GPR155: variants seen among roughly 807,000 people sequenced by gnomAD.
GPR155 encodes the protein G protein-coupled receptor 155.
In GPR155, 65 loss-of-function variants were observed where a neutral mutation model predicts 93.1. The observed-to-expected ratio is 0.70, with a 90% CI of 0.57 to 0.86. GPR155 has a LOEUF of 0.86. Ranked by LOEUF, GPR155 falls within the 40% of genes least tolerant of loss-of-function variation. GPR155 has a pLI of 0.00. For missense variants in GPR155, 838 were observed against 1,034.8 expected (o/e 0.81, Z 2.61); for synonymous variants, 319 against 360.1 (o/e 0.89, Z 1.29).
intron 6 of GPR155, 133 bp from the exon 7 acceptor site, chr2:174,466,035 A>AT (rs1364489805): frequency 2.8e-5 from 16 of 564,166 alleles, no homozygotes; most frequent in African/African-American, 2.3e-4. Context: ...TTTGTTTAAA[A>AT]TTTTTTGTGA....
chr2:174,455,895 C>G (rs979585989), intron 10 of GPR155, among the ~76,000 whole-genome samples: 1 of 152,108 alleles, frequency 6.6e-6, no homozygotes, highest in Non-Finnish European at 1.5e-5. Context: ...GGCTGGAGTG[C>G]AGTGGCACAA....
intron 7 of GPR155, among the ~76,000 whole-genome samples, chr2:174,464,670 C>T (rs1039535715): frequency 6.6e-6 from 1 of 151,274 alleles, no homozygotes; most frequent in Non-Finnish European, 1.5e-5. Flanking sequence ...ATAAAGTTAA[C>T]CTGAGTAAGC....
Position 174,481,721 on chromosome 2 carries a change from C to T in GPR155, c.236G>A (p.Arg79Lys), listed in dbSNP as rs1688326895. The change falls in exon 2 of 16, where the codon AGA (arginine) becomes AAA (lysine). Residue 79 changes from arginine to lysine, a missense_variant. By Grantham distance (26) the Arg-to-Lys change is conservative. Around this residue, in one of 3 missense-constraint regions of GPR155, gnomAD observed 663 missense variants for 790.1 expected, o/e 0.84. Transcript: ENST00000392552. ...GAATAATAAAGCTGGAAGTGCAAAT[C>T]TGGAGACAAAATTTCCTAGTCCTTT... ...QAKGLGNFVSRFALPALLFKN... is the reference protein window; with the variant it reads ...QAKGLGNFVSKFALPALLFKN... 6.2e-7 allele frequency: 1 copy of T among 1,614,018 alleles called. No individual in the cohort carries two copies. The highest frequency in any genetic ancestry group is 1.7e-5 in the Admixed American group (1 of 60,010).
intron 10 of GPR155, among the ~76,000 whole-genome samples, chr2:174,457,452 A>T (rs892858535): frequency 6.6e-6 from 1 of 152,190 alleles, no homozygotes; most frequent in East Asian, 1.9e-4. Context: ...GCAAATACTG[A>T]AGTCCTGTCT....
At chr2:174,470,360 C>A (rs1161286637) in intron 4 of GPR155, 30 bp downstream of exon 4, 2 of 1,548,702 alleles carry the variant, frequency 1.3e-6, no homozygotes, top group African/African-American at 1.4e-5. Flanking sequence ...CTAAACACAC[C>A]ATCAAACTTA....
intron 1 of GPR155, among the ~76,000 whole-genome samples, chr2:174,485,741 T>A (rs1688460040): frequency 6.6e-6 from 1 of 152,170 alleles, no homozygotes; most frequent in Non-Finnish European, 1.5e-5. Context: ...TAATCTTTTT[T>A]AAACGGGAAG....
At chr2:174,467,234 T>G (rs1009155405) in intron 5 of GPR155, among the ~76,000 whole-genome samples, 1 of 151,978 alleles carries the variant, frequency 6.6e-6, no homozygotes, top group African/African-American at 2.4e-5. Flanking sequence ...GTGCAGTGGC[T>G]CACGCCTGTA....
chr2:174,444,936 G>A lies in GPR155; in HGVS notation c.2109+145C>T, dbSNP rs1346018040. ...ACAAGCAGCAGCTGTCAGCTGCCAT[G>A]CATACCAGCAGCTGGCAAACAAACT... On this transcript the variant is annotated intron_variant, in intron 13 of 15. Transcript: ENST00000392552. 3 of 602,508 alleles carry A rather than the reference G, an allele frequency of 5.0e-6. No homozygotes were observed. In the East Asian group the frequency reaches 8.3e-5, roughly 17 times the overall value. 37.3% of individuals were successfully genotyped at this position (602,508 alleles called of 1,614,324 possible). A position where few individuals can be genotyped will look rare whatever the true frequency, so the allele number is the denominator to read the frequency against.
Position 174,460,063 on chromosome 2 carries a change from A to G in GPR155, c.1586T>C (p.Phe529Ser). The G allele has an allele frequency of 4.3e-6, 7 of 1,613,860 alleles. No individual in the cohort carries two copies. Among genetic ancestry groups the G allele is most frequent in the Non-Finnish European group, 5.9e-6 (7 of 1,179,946 alleles). ...EQMITTAVTL[F>S]CSILIAGISL... ...TATGCCAGCTATCAGGATGCTGCAG[A>G]ACAGGGTGACTGCTGTGGTGATCAT... Residue 529 changes from phenylalanine (F) to serine (S), a missense_variant, in exon 10 of 16, where the codon TTC (phenylalanine) becomes TCC (serine). By Grantham distance (155) the Phe-to-Ser change is radical. This residue lies in a region of GPR155 where 663 missense variants were observed against 790.1 expected (regional missense o/e 0.84). Transcript: ENST00000392552.
At position 174,446,644 on chromosome 2, in the gene GPR155, C is replaced by T. The variant is rs778441385; in HGVS notation, c.1980G>A (p.Leu660=). ...SGDQQLTRHV[L]LCLLLIIGLF... ...GGCCAATGATGAGAAGTAAACACAG[C>T]AACACATGTCGGGTCAGTTGCTGGT... is the stretch of plus-strand genomic sequence containing the variant. Residue 660 remains leucine (L), a synonymous_variant, in exon 12 of 16, where the codon TTG becomes TTA. Transcript: ENST00000392552. The T allele has an allele frequency of 1.9e-6, 3 of 1,613,940 alleles. No homozygotes were observed. Among genetic ancestry groups the T allele is most frequent in the South Asian group, 2.2e-5 (2 of 91,082 alleles).
At chr2:174,459,805 A>G in intron 10 of GPR155, 73 bp downstream of exon 10, 1 of 1,100,272 alleles carries the variant, frequency 9.1e-7, no homozygotes, top group Non-Finnish European at 1.3e-6. Context: ...AGATCATGCC[A>G]CTGCACTCCA....
intron 2 of GPR155, among the ~76,000 whole-genome samples, chr2:174,478,835 TG>T (rs1688240128): frequency 6.6e-6 from 1 of 151,946 alleles, no homozygotes; most frequent in Admixed American, 6.6e-5. Context: ...GTCTTCTCTC[TG>T]GGGACAGTAT....
chr2:174,457,210 G>A (rs1687544576), intron 10 of GPR155, among the ~76,000 whole-genome samples: 1 of 152,168 alleles, frequency 6.6e-6, no homozygotes, highest in Non-Finnish European at 1.5e-5. Flanking sequence ...TACTTGGGAA[G>A]CTGAAGAGGG....
chr2:174,469,176 TA>T, intron 4 of GPR155, 109 bp from the exon 5 acceptor site: 1 of 852,534 alleles, frequency 1.2e-6, no homozygotes, highest in Non-Finnish European at 1.8e-6. Context: ...TGAGACACAG[TA>T]AAGACATTAT....
chr2:174,434,024 G>T lies in GPR155; in HGVS notation c.*2092C>A, dbSNP rs926996490. 3 of 149,690 alleles carry T rather than the reference G, an allele frequency of 2.0e-5. No individual in the cohort carries two copies. The highest frequency in any genetic ancestry group is 2.1e-4 in the South Asian group (1 of 4,738). The allele number at this position is 149,690 out of a possible 1,614,324, so 9.3% of individuals were successfully genotyped here. On this transcript the variant is annotated 3_prime_UTR_variant, in exon 16 of 16. Transcript: ENST00000392552. ...CACTCAGGCTGGAGTGCAGTGGCAC[G>T]ATCTCAGCTCACTGCAACCTCTGCC...
chr2:174,438,501 T>C (rs1559094930), intron 15 of GPR155, among the ~76,000 whole-genome samples: 1 of 152,152 alleles, frequency 6.6e-6, no homozygotes, highest in African/African-American at 2.4e-5. Flanking sequence ...CAGGGTTATT[T>C]TGTGGGTTTT....
intron 14 of GPR155, among the ~76,000 whole-genome samples, chr2:174,441,584 T>C (rs1185674288): frequency 6.6e-6 from 1 of 151,772 alleles, no homozygotes; most frequent in African/African-American, 2.4e-5. Flanking sequence ...CCTCCCACCT[T>C]ACCCTACCCC....
Position 174,436,333 on chromosome 2 carries a change from C to T in GPR155, c.2396G>A (p.Arg799His), listed in dbSNP as rs372101933. 69 of 1,613,996 alleles carry T rather than the reference C, an allele frequency of 4.3e-5. No homozygotes were observed. Among genetic ancestry groups the T allele is most frequent in the South Asian group, 6.6e-5 (6 of 91,086 alleles). The change falls in exon 16 of 16, where the codon CGT becomes CAT. Residue 799 changes from arginine (R) to histidine (H), a missense_variant. Physicochemically the swap from Arg to His is conservative, Grantham distance 29 (BLOSUM62 0). Coordinates refer to ENST00000392552, the MANE Select transcript of GPR155 (RefSeq NM_152529.7). The part of the protein sequence containing the change: ...WLIEVGLASD[R>H]GEAVIYGDRL... ...GTCTCCGTATATCACAGCTTCACCACGGTCGGAGGCAAGGCCGACTTCAAT... is the reference window on the plus strand; with the variant it reads ...GTCTCCGTATATCACAGCTTCACCATGGTCGGAGGCAAGGCCGACTTCAAT...
intron 11 of GPR155, among the ~76,000 whole-genome samples, chr2:174,448,517 T>G (rs913730069): frequency 8.6e-6 from 1 of 115,972 alleles, no homozygotes; most frequent in African/African-American, 3.7e-5. Context: ...AAGTTTTTTG[T>G]TTTTTGTTTT....
Sources: gnomAD v4.1 joint callset for allele counts (sites outside exome capture counted in the v4.1 genomes callset) on GRCh38, gnomAD v4.1.1 for gene constraint, gnomAD v4.1.1 regional missense constraint, MANE v1.5 for transcripts, NCBI Gene and HGNC (gene_info 2026-07-23, HGNC 2026-07-21) for gene names.